CHD2: variants seen among roughly 807,000 people sequenced by gnomAD.
CHD2 encodes ATP-dependent chromatin remodeler CHD2.
CHD2 carries 28 observed loss-of-function variants against 243.9 expected under a neutral mutation model. The observed-to-expected ratio is 0.11, with a 90% CI of 0.09 to 0.16. CHD2 has a LOEUF of 0.16. CHD2 is among the 10% of genes least tolerant of loss of function. The probability of loss-of-function intolerance (pLI) is 1.00; values close to 1 mark genes in which losing one functional copy is unlikely to be tolerated. For missense variants in CHD2, 1,386 were observed against 2,209.8 expected, an observed-to-expected ratio of 0.63 and a Z score of 7.47; for synonymous variants, 775 against 779.0, an observed-to-expected ratio of 0.99 and a Z score of 0.09.
chr15:92,966,685 C>T (rs1295216664), intron 16 of CHD2, among the ~76,000 whole-genome samples: 11 of 151,848 alleles, frequency 7.2e-5, no homozygotes, highest in African/African-American at 2.4e-4. Flanking sequence ...CCGAGGCAGG[C>T]GGATCACTTG....
chr15:92,908,723 G>A (rs1380603061), intron 2 of CHD2, among the ~76,000 whole-genome samples: 1 of 152,216 alleles, frequency 6.6e-6, no homozygotes, highest in Non-Finnish European at 1.5e-5. Flanking sequence ...ACCTCTGGAA[G>A]CAAAAGTGGG....
chr15:92,988,669 C>G (rs1192743106), intron 26 of CHD2, among the ~76,000 whole-genome samples: 1 of 152,022 alleles, frequency 6.6e-6, no homozygotes, highest in Non-Finnish European at 1.5e-5. Context: ...TTCTGTTTCT[C>G]ACGTGGGATA....
intron 26 of CHD2, 172 bp from the exon 27 acceptor site, chr15:92,991,304 A>G: frequency 2.0e-6 from 1 of 490,972 alleles, no homozygotes; most frequent in Non-Finnish European, 3.6e-6. Context: ...TTTTAAGTTG[A>G]CTAGTTTCAA....
chr15:92,954,222 A>G (rs1596405509), intron 14 of CHD2: 1 of 152,268 alleles, frequency 6.6e-6, no homozygotes, highest in Non-Finnish European at 1.5e-5. Context: ...AATCTTCATG[A>G]TAGTCTTCAA....
At chr15:92,982,426 C>G (rs1567151588) in intron 24 of CHD2, among the ~76,000 whole-genome samples, 1 of 152,130 alleles carries the variant, frequency 6.6e-6, no homozygotes, top group Admixed American at 6.5e-5. Flanking sequence ...TGCCGTGGAG[C>G]CAGTCAGCAG....
At chr15:92,969,790 A>G (rs911735797) in intron 17 of CHD2, among the ~76,000 whole-genome samples, 2 of 151,538 alleles carry the variant, frequency 1.3e-5, no homozygotes, top group Admixed American at 6.6e-5. Context: ...CAATAAGAAT[A>G]GTAAAAACAG....
chr15:93,017,264 T>C (rs2054473382), intron 37 of CHD2, among the ~76,000 whole-genome samples: 1 of 152,148 alleles, frequency 6.6e-6, no homozygotes, highest in Non-Finnish European at 1.5e-5. Context: ...TTTTCTGCTC[T>C]GTGGAATCTT....
chr15:92,963,404 C>G (rs2053715242), intron 16 of CHD2, among the ~76,000 whole-genome samples: 1 of 152,164 alleles, frequency 6.6e-6, no homozygotes, highest in South Asian at 2.1e-4. Context: ...TGACTCAGTT[C>G]TGGTAAAATA....
At chr15:93,006,116 C>T (rs2054317680) in intron 34 of CHD2, among the ~76,000 whole-genome samples, 1 of 146,576 alleles carries the variant, frequency 6.8e-6, no homozygotes, top group South Asian at 2.1e-4. Flanking sequence ...TTTTCTGTCT[C>T]TCTCTCTCTT....
chr15:92,902,540 A>T (rs1354435582), intron 2 of CHD2: 3 of 185,668 alleles, frequency 1.6e-5, no homozygotes, highest in African/African-American at 7.0e-5. Context: ...AATTCTATTT[A>T]TTTTATTTGA....
At chr15:92,996,692 G>A (rs1304517214) in intron 28 of CHD2, among the ~76,000 whole-genome samples, 1 of 152,024 alleles carries the variant, frequency 6.6e-6, no homozygotes, top group Non-Finnish European at 1.5e-5. Flanking sequence ...AAACAAAGTA[G>A]TATAAAACAA....
At chr15:93,023,773 G>A (rs1035700402) in intron 38 of CHD2, among the ~76,000 whole-genome samples, 5 of 151,668 alleles carry the variant, frequency 3.3e-5, no homozygotes, top group African/African-American at 1.2e-4. Flanking sequence ...ATGACATGGA[G>A]CATCTTCTCA....
In CHD2 at chr15:92,917,614, C is replaced by T. The variant is rs150417007; in HGVS notation, c.63-6707C>T. On this transcript the variant is annotated intron_variant, in intron 2 of 38. Coordinates refer to ENST00000394196, the MANE Select transcript of CHD2 (RefSeq NM_001271.4). ...AGGTGTGACCAGTCAGTCTTCTTTG[C>T]TTTTCCATCTTAAGACACATAGAAG... Among the ~76,000 whole-genome samples the T allele has an allele frequency of 8.9e-4, 136 of 152,316 alleles. 1 individual carries two copies. In the East Asian group the frequency reaches 0.022, roughly 24 times the overall value.
chr15:92,901,339 TG>T, intron 2 of CHD2, 40 bp downstream of exon 2: 1 of 1,246,358 alleles, frequency 8.0e-7, no homozygotes, highest in South Asian at 1.3e-5. Context: ...TCTTTTTTTT[TG>T]GGGGAGAAAC....
chr15:92,951,748 A>G (rs7176652), intron 13 of CHD2, among the ~76,000 whole-genome samples: 53,358 of 152,106 alleles, frequency 0.35, 11,025 homozygotes, highest in East Asian at 0.81. Flanking sequence ...AAAGGAATAT[A>G]CTACATCGTT....
intron 16 of CHD2, among the ~76,000 whole-genome samples, chr15:92,964,501 G>A (rs1159130175): frequency 6.6e-6 from 1 of 152,194 alleles, no homozygotes; most frequent in Admixed American, 6.5e-5. Context: ...GTAAAGGAGA[G>A]AATTAGGTTT....
At chr15:93,002,467 C>A in intron 33 of CHD2, 150 bp downstream of exon 33, 2 of 1,292,656 alleles carry the variant, frequency 1.5e-6, no homozygotes, top group Non-Finnish European at 2.1e-6. Flanking sequence ...GATGGGATAC[C>A]TGCACCTGTC....
chr15:92,989,853 C>T (rs543018749), intron 26 of CHD2, among the ~76,000 whole-genome samples: 1 of 152,310 alleles, frequency 6.6e-6, no homozygotes, highest in African/African-American at 2.4e-5. Context: ...GAAGCCAAAG[C>T]GCAGAGGGTG....
intron 5 of CHD2, among the ~76,000 whole-genome samples, chr15:92,933,192 A>G (rs567794973): frequency 6.6e-6 from 1 of 152,204 alleles, no homozygotes; most frequent in Admixed American, 6.5e-5. Flanking sequence ...GGCACGTACA[A>G]CCACATCCAG....
Sources: allele counts gnomAD v4.1 joint callset (sites outside exome capture counted in the v4.1 genomes callset), GRCh38; gene constraint gnomAD v4.1.1; transcripts MANE v1.5; gene names NCBI Gene and HGNC (gene_info 2026-07-23, HGNC 2026-07-21).